PASD1: variants seen among roughly 807,000 people sequenced by gnomAD.
PASD1 encodes the protein PAS domain containing repressor 1.
PASD1 carries 13 observed loss-of-function variants against 58.8 expected under a neutral mutation model. The ratio of observed to expected loss-of-function variants is 0.22; its 90% CI spans 0.14 to 0.35. The LOEUF (loss-of-function observed/expected upper bound fraction) is 0.35, where lower values mean the gene tolerates loss of function less well. PASD1 is among the 10% of genes least tolerant of loss of function. PASD1 has a pLI of 1.00. For missense variants in PASD1, 734 were observed against 568.3 expected, an observed-to-expected ratio of 1.29 and a Z score of -2.96; for synonymous variants, 236 against 216.7, an observed-to-expected ratio of 1.09 and a Z score of -0.78.
intron 12 of PASD1, 89 bp from the exon 13 acceptor site, chrX:151,671,484 G>A (rs1036218568): frequency 1.3e-4 from 133 of 1,042,367 alleles, no homozygotes; most frequent in South Asian, 3.1e-4. Context: ...CTTGCCTGTG[G>A]GCAGTCCTGC....
chrX:151,609,365 G>A (rs79966640), intron 3 of PASD1, among the ~76,000 whole-genome samples: 2,195 of 111,369 alleles, frequency 0.02, 45 homozygotes, highest in African/African-American at 0.066. Flanking sequence ...GAATTCAGTG[G>A]CATTAAGTAC....
At chrX:151,585,809 G>A (rs756567244) in intron 1 of PASD1, among the ~76,000 whole-genome samples, 8 of 111,931 alleles carry the variant, frequency 7.1e-5, no homozygotes, top group African/African-American at 2.6e-4. Context: ...ATGAATACCT[G>A]GCTTTCTACT....
chrX:151,648,564 T>G, intron 8 of PASD1, 51 bp from the exon 9 acceptor site: 2 of 1,116,176 alleles, frequency 1.8e-6, no homozygotes, highest in Non-Finnish European at 2.4e-6. Flanking sequence ...AAATTTTGAT[T>G]TAAATGGCGA....
intron 8 of PASD1, among the ~76,000 whole-genome samples, chrX:151,627,718 C>A: frequency 9.0e-6 from 1 of 111,378 alleles, no homozygotes; most frequent in East Asian, 2.8e-4. Context: ...GGGTATATAC[C>A]CAGTAATGGG....
intron 14 of PASD1, chrX:151,673,056 C>G (rs924618921): frequency 6.8e-6 from 1 of 147,006 alleles, no homozygotes; most frequent in Admixed American, 7.5e-5. Context: ...CCCCAACTTT[C>G]CTGGAATCTG....
At chrX:151,641,405 A>G (rs1450710808) in intron 8 of PASD1, among the ~76,000 whole-genome samples, 1 of 112,123 alleles carries the variant, frequency 8.9e-6, no homozygotes, top group Non-Finnish European at 1.9e-5. Flanking sequence ...ACCTCATGTT[A>G]TAAATAGTAG....
chrX:151,650,809 T>TA (rs1414013004), intron 9 of PASD1, among the ~76,000 whole-genome samples: 1 of 111,704 alleles, frequency 9.0e-6, no homozygotes, highest in African/African-American at 3.3e-5. Flanking sequence ...GCTTACTACA[T>TA]AGCAAGTTTC....
intron 4 of PASD1, among the ~76,000 whole-genome samples, chrX:151,614,421 G>A (rs1268841598): frequency 4.5e-5 from 5 of 111,554 alleles, no homozygotes; most frequent in African/African-American, 1.6e-4. Context: ...TCAATCTGTA[G>A]CAAGGCCTTC....
rs761328321 is a variant in PASD1, at chrX:151,599,568, G to A, written c.-27-1959G>A. Among the ~76,000 whole-genome samples, 288 of 103,701 alleles carry A rather than the reference G, an allele frequency of 2.8e-3. 1 individual carries two copies. The highest frequency in any genetic ancestry group is 0.01 in the Middle Eastern group (2 of 196). 90.1% of individuals were successfully genotyped at this position (103,701 alleles called of 115,157 possible). On this transcript the variant is annotated intron_variant, in intron 1 of 15. Coordinates refer to ENST00000370357, the MANE Select transcript of PASD1 (RefSeq NM_173493.3). ...TCAGACGGGGCGGCCGGTCAGAGACGCTCCTCACCTCCCAGACGGGGTGGC... is the reference window on the plus strand; with the variant it reads ...TCAGACGGGGCGGCCGGTCAGAGACACTCCTCACCTCCCAGACGGGGTGGC...
chrX:151,568,202 G>A (rs183354445), intron 1 of PASD1, among the ~76,000 whole-genome samples: 179 of 111,958 alleles, frequency 1.6e-3, no homozygotes, highest in African/African-American at 5.6e-3. Flanking sequence ...CTAGAATACC[G>A]TTCTTGTTAT....
chrX:151,654,820 C>T (rs1245874660), intron 9 of PASD1, among the ~76,000 whole-genome samples: 1 of 110,704 alleles, frequency 9.0e-6, no homozygotes, highest in Non-Finnish European at 1.9e-5. Context: ...TTTCTAAACT[C>T]AGGGTATTTC....
intron 1 of PASD1, among the ~76,000 whole-genome samples, chrX:151,569,559 A>G (rs12846421): frequency 9.0e-6 from 1 of 111,225 alleles, no homozygotes; most frequent in Non-Finnish European, 1.9e-5. Context: ...TCATTTTTTT[A>G]TACATTCCAT....
chrX:151,648,662 T>C lies in PASD1; in HGVS notation c.677T>C (p.Val226Ala). 1 of 1,211,738 alleles carries C rather than the reference T, an allele frequency of 8.3e-7. No homozygotes were observed. Among genetic ancestry groups the C allele is most frequent in the Non-Finnish European group, 1.1e-6 (1 of 895,459 alleles). ...RGHTSMKAVY[V>A]EPAAAAAAAA... ...CACACTAGCATGAAAGCCGTGTACG[T>C]TGAACCCGCTGCTGCTGCTGCTGCT... is the stretch of plus-strand genomic sequence containing the variant. The change falls in exon 9 of 16, where the codon GTT (valine) becomes GCT (alanine). Residue 226 changes from valine (V) to alanine (A), a missense_variant. Physicochemically the swap from Val to Ala is moderately conservative, Grantham distance 64. Coordinates refer to ENST00000370357, the MANE Select transcript of PASD1 (RefSeq NM_173493.3).
chrX:151,564,400 A>G (rs1238287840), intron 1 of PASD1, among the ~76,000 whole-genome samples: 2 of 111,636 alleles, frequency 1.8e-5, no homozygotes, highest in East Asian at 2.8e-4. Flanking sequence ...CGGCTTTTCA[A>G]AGGATCTGCT....
chrX:151,564,287 T>C (rs751475044), intron 1 of PASD1, among the ~76,000 whole-genome samples: 83 of 112,203 alleles, frequency 7.4e-4, no homozygotes, highest in African/African-American at 2.5e-3. Context: ...TCGGGGACGG[T>C]GTGCTGGGGT....
intron 1 of PASD1, among the ~76,000 whole-genome samples, chrX:151,574,282 TC>T (rs940438595): frequency 2.7e-5 from 3 of 112,301 alleles, no homozygotes; most frequent in African/African-American, 9.7e-5. Context: ...GAGGAGTGGC[TC>T]CAGTTCATGT....
chrX:151,663,902 C>CT (rs776237798), intron 10 of PASD1, among the ~76,000 whole-genome samples: 8 of 111,971 alleles, frequency 7.1e-5, no homozygotes, highest in Non-Finnish European at 1.3e-4. Context: ...TAGGCACTAG[C>CT]TTAAGCTGGA....
chrX:151,572,330 T>C (rs367698965), intron 1 of PASD1, among the ~76,000 whole-genome samples: 1 of 111,297 alleles, frequency 9.0e-6, no homozygotes, highest in East Asian at 2.8e-4. Context: ...CATAGTATGT[T>C]TGGGGGCATG....
Position 151,578,182 on chromosome X carries a change from T to C in PASD1, c.-28+14343T>C, listed in dbSNP as rs755853730. 3 of 112,381 alleles carry C rather than the reference T, an allele frequency of 2.7e-5. No individual in the cohort carries two copies. The East Asian group carries it at 8.4e-4, about 31-fold the overall frequency. 9.3% of individuals were successfully genotyped at this position (112,381 alleles called of 1,213,427 possible). A position where few individuals can be genotyped will look rare whatever the true frequency, so the allele number is the denominator to read the frequency against. On this transcript the variant is annotated intron_variant, in intron 1 of 15. Coordinates refer to ENST00000370357, the MANE Select transcript of PASD1 (RefSeq NM_173493.3). ...GATCTATTAAAAGTGCTGAGATGTC[T>C]TGTGTCAAGAAATCTGCTTCAGTGT... is the stretch of plus-strand genomic sequence containing the variant.
Sources: allele counts gnomAD v4.1 joint callset (sites outside exome capture counted in the v4.1 genomes callset), GRCh38; gene constraint gnomAD v4.1.1; transcripts MANE v1.5; gene names NCBI Gene and HGNC (gene_info 2026-07-23, HGNC 2026-07-21).